The following KCNJ15 variants were observed in gnomAD, a reference collection of about 807,000 sequenced individuals.
KCNJ15 encodes potassium inwardly rectifying channel subfamily J member 15.
KCNJ15 carries 14 observed loss-of-function variants against 23.0 expected under a neutral mutation model. The ratio of observed to expected loss-of-function variants is 0.61; its 90% CI spans 0.40 to 0.95. The LOEUF is 0.95. Among genes scored for constraint, KCNJ15 ranks in the 40% least tolerant of loss-of-function variants. KCNJ15 has a pLI of 0.00. For synonymous variants in KCNJ15, 185 were observed against 183.2 expected (o/e 1.01, Z -0.08); for missense variants, 388 against 461.8 (o/e 0.84, Z 1.46).
At chr21:38,260,531 C>A (rs1980772852) in intron 1 of KCNJ15, among the ~76,000 whole-genome samples, 1 of 152,196 alleles carries the variant, frequency 6.6e-6, no homozygotes. Flanking sequence ...CAACCTAATT[C>A]CAGAATACAG....
upstream of KCNJ15, among the ~76,000 whole-genome samples, chr21:38,252,425 C>T (rs1300097521): frequency 6.6e-6 from 1 of 152,130 alleles, no homozygotes; most frequent in Non-Finnish European, 1.5e-5. Context: ...CATCTTTCTG[C>T]TGAACTATAA....
intron 1 of KCNJ15, among the ~76,000 whole-genome samples, chr21:38,283,804 T>C (rs116696388): frequency 6.6e-6 from 1 of 151,086 alleles, no homozygotes; most frequent in African/African-American, 2.4e-5. Flanking sequence ...CAATGTAGAA[T>C]GTTCACATGT....
intron 1 of KCNJ15, among the ~76,000 whole-genome samples, chr21:38,292,310 CT>C: frequency 6.6e-6 from 1 of 152,224 alleles, no homozygotes; most frequent in Admixed American, 6.5e-5. Context: ...TGCCTGGACC[CT>C]TTTAAGTTGT....
Position 38,299,851 on chromosome 21 carries a change from T to A in KCNJ15, c.590T>A (p.Ile197Asn). 6.2e-7 allele frequency: 1 copy of A among 1,614,106 alleles called. No individual in the cohort carries two copies. Among genetic ancestry groups the A allele is most frequent in the Non-Finnish European group, 8.5e-7 (1 of 1,180,030 alleles). The change falls in exon 3 of 3, where the codon ATT becomes AAT. Residue 197 changes from isoleucine (I) to asparagine (N), a missense_variant. Transcript: ENST00000398938. This position sits in a 1 kb window ranked among gnomAD's most constrained non-coding sequence, Gnocchi z 4.5. ...CAGAATGGGAAGCTGTGCTTGGTGA[T>A]TCAGGTAGCCAATATGAGGAAGAGC... is the stretch of plus-strand genomic sequence containing the variant. ...TKQNGKLCLV[I>N]QVANMRKSLL...
chr21:38,234,413 T>C (rs1335624098), intron 1 of KCNJ15, among the ~76,000 whole-genome samples: 5 of 152,234 alleles, frequency 3.3e-5, no homozygotes, highest in Non-Finnish European at 5.9e-5. Context: ...GAAAAATGAT[T>C]ACTTACTGCA....
chr21:38,277,322 G>C (rs1420683441), intron 1 of KCNJ15, among the ~76,000 whole-genome samples: 1 of 152,148 alleles, frequency 6.6e-6, no homozygotes, highest in Non-Finnish European at 1.5e-5. Context: ...TGTTGATGAA[G>C]CTGCTAAAAT....
At chr21:38,240,102 C>A (rs1978888366) in intron 1 of KCNJ15, among the ~76,000 whole-genome samples, 2 of 152,126 alleles carry the variant, frequency 1.3e-5, no homozygotes, top group Admixed American at 6.6e-5. Flanking sequence ...CTTTCTACCT[C>A]TTTCTACCTT....
intron 1 of KCNJ15, among the ~76,000 whole-genome samples, chr21:38,242,954 A>G (rs192522775): frequency 1.8e-4 from 28 of 152,196 alleles, no homozygotes; most frequent in Non-Finnish European, 2.9e-4. Flanking sequence ...TTGAACAAAT[A>G]AAATGATTAA....
At position 38,299,697 on chromosome 21, in the gene KCNJ15, T is replaced by C. The variant is rs569626042; in HGVS notation, c.436T>C (p.Leu146=). 3.1e-6 allele frequency: 5 copies of C among 1,614,110 alleles called. No individual in the cohort carries two copies. The South Asian group carries it at 5.5e-5, about 18-fold the overall frequency. ...TEECPHAIFL[L]VAQLVITTLI... ...GGAATGTCCTCATGCCATCTTCCTG[T>C]TGGTTGCTCAGTTGGTCATCACGAC... is the stretch of plus-strand genomic sequence containing the variant. The change falls in exon 3 of 3, where the codon TTG becomes CTG. Residue 146 remains leucine, a synonymous_variant. Transcript: ENST00000398938. This position sits in a 1 kb window ranked among gnomAD's most constrained non-coding sequence, Gnocchi z 4.5.
At chr21:38,237,961 G>C (rs200220623) in intron 1 of KCNJ15, among the ~76,000 whole-genome samples, 7 of 107,860 alleles carry the variant, frequency 6.5e-5, no homozygotes, top group Admixed American at 4.5e-4. Context: ...ACAACAACAA[G>C]AACAACAGTA....
At chr21:38,284,833 TA>T (rs1305415195) in intron 1 of KCNJ15, among the ~76,000 whole-genome samples, 35 of 152,350 alleles carry the variant, frequency 2.3e-4, no homozygotes, top group Non-Finnish European at 2.9e-5. Flanking sequence ...AACTCCAGAC[TA>T]GGACATGTTA....
intron 1 of KCNJ15, among the ~76,000 whole-genome samples, chr21:38,295,166 A>G (rs897360095): frequency 6.6e-6 from 1 of 152,230 alleles, no homozygotes; most frequent in African/African-American, 2.4e-5. Flanking sequence ...TATTATTTTC[A>G]TATCACTCTA....
At position 38,300,720 on chromosome 21, in the gene KCNJ15, T is replaced by G. The variant is rs563090093; in HGVS notation, c.*331T>G. 1.3e-4 allele frequency: 29 copies of G among 231,484 alleles called. No homozygotes were observed. The East Asian group carries it at 3.2e-3, about 25-fold the overall frequency. The allele number at this position is 231,484 out of a possible 1,614,324, so 14.3% of individuals were successfully genotyped here. A position where few individuals can be genotyped will look rare whatever the true frequency, so the allele number is the denominator to read the frequency against. ...TAGCAATCCTGACATTAAAAGGAAATGTATTTCTATACAAGATTATTAGCT... is the reference window on the plus strand; with the variant it reads ...TAGCAATCCTGACATTAAAAGGAAAGGTATTTCTATACAAGATTATTAGCT... On this transcript the variant is annotated 3_prime_UTR_variant, in exon 3 of 3. Coordinates refer to ENST00000398938, the MANE Select transcript of KCNJ15 (RefSeq NM_170736.3).
intron 1 of KCNJ15, chr21:38,272,209 G>A (rs186458785): frequency 6.6e-6 from 1 of 152,298 alleles, no homozygotes; most frequent in East Asian, 1.9e-4. Flanking sequence ...TAAGAAATCT[G>A]GAGCTATCTC....
Position 38,293,190 on chromosome 21 carries a change from A to G in KCNJ15, c.-116-3736A>G, listed in dbSNP as rs115701629. 2.9e-3 allele frequency among the ~76,000 whole-genome samples: 437 copies of G among 152,284 alleles called. 6 individuals carry two copies. The highest frequency in any genetic ancestry group is 1.0e-2 in the African/African-American group (414 of 41,556). On this transcript the variant is annotated intron_variant, in intron 1 of 2. Coordinates refer to ENST00000398938, the MANE Select transcript of KCNJ15 (RefSeq NM_170736.3). The stretch of plus-strand genomic sequence containing the variant: ...CTCACCTGTGTTTCAAGTCAGCTGT[A>G]GTTGAATTATGGCTCAGTTCCAAGT...
In KCNJ15 at chr21:38,304,459, A is replaced by C. The variant is rs954593251; in HGVS notation, c.*4070A>C. The C allele has an allele frequency of 1.1e-4, 17 of 151,854 alleles. No homozygotes were observed. Among genetic ancestry groups the C allele is most frequent in the Admixed American group, 6.6e-4 (10 of 15,246 alleles). The allele number at this position is 151,854 out of a possible 1,614,324, so 9.4% of individuals were successfully genotyped here. The stretch of plus-strand genomic sequence containing the variant: ...TGATGTAATTTTTTAAGCGAAAGGT[A>C]CTAACATTTCCAGTCTTGATTTCCA... On this transcript the variant is annotated 3_prime_UTR_variant, in exon 3 of 3. Transcript: ENST00000398938.
In KCNJ15 at chr21:38,303,857, C is replaced by T. The variant is rs886346793; in HGVS notation, c.*3468C>T. ...ATTATTCTGTCTCCCTTATTTGAGT[C>T]TTCAATATATATGCCCAGCTGGAGG... On this transcript the variant is annotated 3_prime_UTR_variant, in exon 3 of 3. Transcript: ENST00000398938. The T allele has an allele frequency of 6.6e-6, 1 of 150,826 alleles. No homozygotes were observed. The allele number at this position is 150,826 out of a possible 1,614,324, so 9.3% of individuals were successfully genotyped here. A position where few individuals can be genotyped will look rare whatever the true frequency, so the allele number is the denominator to read the frequency against.
Position 38,300,159 on chromosome 21 carries a change from T to C in KCNJ15, c.898T>C (p.Tyr300His). The C allele has an allele frequency of 6.2e-7, 1 of 1,614,174 alleles. No individual in the cohort carries two copies. Among genetic ancestry groups the C allele is most frequent in the Non-Finnish European group, 8.5e-7 (1 of 1,180,032 alleles). ...CGCTGTCTGCCAGAGCCGAACATCT[T>C]ATATCCCAGAGGAAATCTACTGGGG... The part of the protein sequence containing the change: ...TSAVCQSRTS[Y>H]IPEEIYWGFE... The change falls in exon 3 of 3, where the codon TAT (tyrosine) becomes CAT (histidine). Residue 300 changes from tyrosine (Y) to histidine (H), a missense_variant. Transcript: ENST00000398938.
intron 1 of KCNJ15, among the ~76,000 whole-genome samples, chr21:38,234,467 C>T (rs1184814856): frequency 2.0e-5 from 3 of 152,206 alleles, no homozygotes. Flanking sequence ...CCAATAGAAA[C>T]AACTTCCTTC....
Sources: allele counts gnomAD v4.1 joint callset (sites outside exome capture counted in the v4.1 genomes callset), GRCh38; gene constraint gnomAD v4.1.1; non-coding constraint Gnocchi (gnomAD v3.1); transcripts MANE v1.5; gene names NCBI Gene and HGNC (gene_info 2026-07-23, HGNC 2026-07-21).